Variants in OPRM1 observed in about 807,000 individuals in gnomAD.
The protein encoded by OPRM1 is mu-type opioid receptor.
OPRM1 carries 27 observed loss-of-function variants against 31.8 expected under a neutral mutation model. The observed-to-expected ratio is 0.85, with a 90% CI of 0.63 to 1.17. The LOEUF (loss-of-function observed/expected upper bound fraction) is 1.17, where lower values mean the gene tolerates loss of function less well. Ranked by LOEUF, OPRM1 falls within the 50% of genes most tolerant of loss-of-function variation. OPRM1 has a pLI of 0.00. For synonymous variants in OPRM1, 196 were observed against 189.9 expected, an observed-to-expected ratio of 1.03 and a Z score of -0.26; for missense variants, 536 against 511.1, an observed-to-expected ratio of 1.05 and a Z score of -0.47.
chr6:154,236,184 TAC>T (rs1421644206), intron 3 of OPRM1, among the ~76,000 whole-genome samples: 1 of 152,164 alleles, frequency 6.6e-6, no homozygotes, highest in Non-Finnish European at 1.5e-5. Flanking sequence ...CAAAATGTGG[TAC>T]ACACATCAAG....
At position 154,044,108 on chromosome 6, in the gene OPRM1, GGATA is replaced by G. The variant is rs201054198; in HGVS notation, c.290+4285_290+4288del. On this transcript the variant is annotated intron_variant, in intron 1 of 3. Coordinates refer to ENST00000330432, the MANE Select transcript of OPRM1 (RefSeq NM_000914.5). The stretch of plus-strand genomic sequence containing the variant: ...ACAATTCTTCTCTTAAAGGATGGAT[GGATA>G]GATAGATAGAGAGAGAGAGAGAGAG... 9.6e-3 allele frequency among the ~76,000 whole-genome samples: 1,464 copies of G among 151,956 alleles called. 16 individuals carry two copies. The highest frequency in any genetic ancestry group is 0.014 in the East Asian group (71 of 5,184).
intron 3 of OPRM1, chr6:154,157,680 G>A (rs1415708934): frequency 1.3e-5 from 2 of 152,206 alleles, no homozygotes; most frequent in African/African-American, 4.8e-5. Flanking sequence ...GAAGTCTACA[G>A]GCTGGTGTTG....
chr6:154,172,718 C>T (rs573852433), intron 3 of OPRM1, among the ~76,000 whole-genome samples: 27 of 152,372 alleles, frequency 1.8e-4, no homozygotes, highest in African/African-American at 6.5e-4. Flanking sequence ...TAGATTCCAC[C>T]TCTGGGGGCA....
chr6:154,199,924 C>G, intron 3 of OPRM1: 1 of 1,614,170 alleles, frequency 6.2e-7, no homozygotes, highest in South Asian at 1.1e-5. Context: ...AGGATTGTCT[C>G]TCTTTAGATA....
At chr6:154,207,648 C>T (rs921814063) in intron 3 of OPRM1, among the ~76,000 whole-genome samples, 3 of 152,264 alleles carry the variant, frequency 2.0e-5, no homozygotes, top group Admixed American at 6.5e-5. Flanking sequence ...AGCCATCCAC[C>T]CACCTTGGCC....
At position 154,129,145 on chromosome 6, in the gene OPRM1, T is replaced by C. The variant is rs1797749081; in HGVS notation, c.*10424T>C. Among the ~76,000 whole-genome samples, 1 of 152,132 alleles carries C rather than the reference T, an allele frequency of 6.6e-6. No homozygotes were observed. The stretch of plus-strand genomic sequence containing the variant: ...CTGAGTACACAATTTCTGTCCCTTT[T>C]AAGGGCTCACAACACTAGATTTCAC... On this transcript the variant is annotated 3_prime_UTR_variant, in exon 4 of 4. Coordinates refer to ENST00000330432, the MANE Select transcript of OPRM1 (RefSeq NM_000914.5).
intron 3 of OPRM1, among the ~76,000 whole-genome samples, chr6:154,203,930 C>T (rs1221731413): frequency 6.6e-6 from 1 of 152,190 alleles, no homozygotes; most frequent in African/African-American, 2.4e-5. Flanking sequence ...GATCAAGGGG[C>T]TATCGGTGCC....
chr6:154,133,128 A>G (rs1240755085), downstream of OPRM1, among the ~76,000 whole-genome samples: 1 of 152,084 alleles, frequency 6.6e-6, no homozygotes, highest in African/African-American at 2.4e-5. Context: ...CTCAAAAAAA[A>G]AAAAAAAGAA....
intron 1 of OPRM1, among the ~76,000 whole-genome samples, chr6:154,062,189 T>C (rs1784560398): frequency 6.6e-6 from 1 of 152,140 alleles, no homozygotes; most frequent in Admixed American, 6.6e-5. Flanking sequence ...TAATTAATCA[T>C]ATGAAAACAA....
At chr6:154,115,180 G>C in intron 3 of OPRM1, among the ~76,000 whole-genome samples, 1 of 152,234 alleles carries the variant, frequency 6.6e-6, no homozygotes, top group South Asian at 2.1e-4. Flanking sequence ...ACAAGAGAAG[G>C]ACCTCGGAGA....
intron 3 of OPRM1, among the ~76,000 whole-genome samples, chr6:154,243,965 T>C (rs1160784303): frequency 6.6e-6 from 1 of 152,152 alleles, no homozygotes; most frequent in African/African-American, 2.4e-5. Context: ...AAGTAACAGG[T>C]GGCTCTTCCT....
chr6:154,191,015 C>T (rs1248661010), intron 3 of OPRM1, among the ~76,000 whole-genome samples: 1 of 152,014 alleles, frequency 6.6e-6, no homozygotes, highest in African/African-American at 2.4e-5. Flanking sequence ...GAGATCGCGC[C>T]ACTGCACTGC....
chr6:154,036,096 G>A (rs1316964360), upstream of OPRM1, among the ~76,000 whole-genome samples: 3 of 151,958 alleles, frequency 2.0e-5, no homozygotes, highest in Non-Finnish European at 4.4e-5. Context: ...AACAATTATG[G>A]AGGAAACAGG....
At chr6:154,234,211 A>G (rs1228036563) in intron 3 of OPRM1, among the ~76,000 whole-genome samples, 1 of 152,138 alleles carries the variant, frequency 6.6e-6, no homozygotes, top group Non-Finnish European at 1.5e-5. Context: ...AGAAAAATAC[A>G]TAAATAAACA....
intron 3 of OPRM1, among the ~76,000 whole-genome samples, chr6:154,141,717 G>A (rs2128538187): frequency 6.6e-6 from 1 of 152,368 alleles, no homozygotes; most frequent in East Asian, 1.9e-4. Flanking sequence ...CCAGGCCACA[G>A]CTAGGTGAAA....
chr6:154,246,687 A>G, intron 3 of OPRM1: 2 of 1,613,996 alleles, frequency 1.2e-6, no homozygotes, highest in Non-Finnish European at 1.7e-6. Context: ...CCTTTTTCTT[A>G]TACAGCCACC....
intron 3 of OPRM1, among the ~76,000 whole-genome samples, chr6:154,095,378 G>T (rs1168812980): frequency 6.6e-6 from 1 of 152,180 alleles, no homozygotes; most frequent in Non-Finnish European, 1.5e-5. Flanking sequence ...TGATGAGAGG[G>T]CTGAGGATAT....
chr6:154,094,757 T>A (rs1390132472), intron 3 of OPRM1, among the ~76,000 whole-genome samples: 1 of 152,120 alleles, frequency 6.6e-6, no homozygotes, highest in Non-Finnish European at 1.5e-5. Context: ...GTTTTATAGG[T>A]CAAATAAAGT....
chr6:154,173,395 C>A (rs962032885), intron 3 of OPRM1, among the ~76,000 whole-genome samples: 1 of 152,028 alleles, frequency 6.6e-6, no homozygotes, highest in African/African-American at 2.4e-5. Flanking sequence ...CATGTTCTAA[C>A]CCATTGCAAG....
Sources: allele counts gnomAD v4.1 joint callset (sites outside exome capture counted in the v4.1 genomes callset), GRCh38; gene constraint gnomAD v4.1.1; transcripts MANE v1.5; gene names NCBI Gene and HGNC (gene_info 2026-07-23, HGNC 2026-07-21).